Variants in DNM3 observed in about 807,000 individuals in gnomAD.
DNM3 encodes the protein dynamin-3.
DNM3 carries 47 observed loss-of-function variants against 101.6 expected under a neutral mutation model. That is an observed-to-expected ratio of 0.46 (90% CI 0.37 to 0.59). The LOEUF (loss-of-function observed/expected upper bound fraction) is 0.59, where lower values mean the gene tolerates loss of function less well. Among genes scored for constraint, DNM3 ranks in the 20% least tolerant of loss-of-function variants. The pLI, the probability that DNM3 is intolerant of heterozygous loss-of-function variation, is 0.00. For synonymous variants in DNM3, 385 were observed against 387.9 expected (o/e 0.99, Z 0.09); for missense variants, 849 against 1,085.7 (o/e 0.78, Z 3.06).
intron 2 of DNM3, among the ~76,000 whole-genome samples, chr1:171,974,055 G>C (rs1246680154): frequency 6.6e-6 from 1 of 152,070 alleles, no homozygotes; most frequent in Non-Finnish European, 1.5e-5. Context: ...CTCTTGTGAG[G>C]TTAACAAGAA....
At chr1:172,260,400 T>A (rs2062593339) in intron 15 of DNM3, among the ~76,000 whole-genome samples, 1 of 152,172 alleles carries the variant, frequency 6.6e-6, no homozygotes, top group South Asian at 2.1e-4. Flanking sequence ...TATTATTTTA[T>A]TAAATAGGTT....
chr1:172,008,993 CTTAT>C lies in DNM3; in HGVS notation c.589+19850_589+19853del, dbSNP rs547162702. Among the ~76,000 whole-genome samples, 492 of 110,816 alleles carry C rather than the reference CTTAT, an allele frequency of 4.4e-3. 7 individuals carry two copies. The highest frequency in any genetic ancestry group is 0.024 in the African/African-American group (467 of 19,708). The allele number at this position is 110,816 out of a possible 152,430, so 72.7% of individuals were successfully genotyped here. A position where few individuals can be genotyped will look rare whatever the true frequency, so the allele number is the denominator to read the frequency against. ...ATTAAACCTATAACATATGCATATA[CTTAT>C]TTATATATAACATGCATGTACTTAT... On this transcript the variant is annotated intron_variant, in intron 4 of 20. Transcript: ENST00000627582.
chr1:172,139,015 A>T (rs1201558072), intron 14 of DNM3: 2 of 436,944 alleles, frequency 4.6e-6, no homozygotes, highest in Non-Finnish European at 9.2e-6. Flanking sequence ...ACACAATATA[A>T]TTAAACATTA....
chr1:171,864,165 G>A (rs1018832294), intron 1 of DNM3: 1 of 152,166 alleles, frequency 6.6e-6, no homozygotes, highest in Non-Finnish European at 1.5e-5. Flanking sequence ...GTAGCAAAAC[G>A]TGACTGAGAG....
At chr1:171,914,035 C>T (rs538011676) in intron 1 of DNM3, among the ~76,000 whole-genome samples, 1 of 152,300 alleles carries the variant, frequency 6.6e-6, no homozygotes, top group East Asian at 1.9e-4. Flanking sequence ...AGTGATCCTC[C>T]TGCCTTGGCC....
intron 17 of DNM3, among the ~76,000 whole-genome samples, chr1:172,347,856 A>C (rs1232371667): frequency 6.6e-6 from 1 of 152,216 alleles, no homozygotes; most frequent in Non-Finnish European, 1.5e-5. Flanking sequence ...AGTAAATTGT[A>C]GTATATTTAC....
chr1:172,392,449 A>C (rs970252552), intron 20 of DNM3, among the ~76,000 whole-genome samples: 17 of 152,330 alleles, frequency 1.1e-4, no homozygotes, highest in African/African-American at 3.4e-4. Flanking sequence ...TAACAAGATG[A>C]TCTTAAACAG....
intron 19 of DNM3, among the ~76,000 whole-genome samples, chr1:172,388,357 G>A (rs1317168367): frequency 6.6e-6 from 1 of 152,192 alleles, no homozygotes; most frequent in Non-Finnish European, 1.5e-5. Flanking sequence ...GGATGCACAA[G>A]AAACTTCTAT....
intron 1 of DNM3, among the ~76,000 whole-genome samples, chr1:171,917,039 G>A (rs1406340942): frequency 6.6e-6 from 1 of 152,166 alleles, no homozygotes; most frequent in East Asian, 1.9e-4. Context: ...TGGAGCTTAA[G>A]CATAGTACCT....
chr1:172,067,149 C>A (rs1258945384), intron 10 of DNM3, among the ~76,000 whole-genome samples: 1 of 152,122 alleles, frequency 6.6e-6, no homozygotes, highest in Non-Finnish European at 1.5e-5. Context: ...ATAGTTATTT[C>A]TTTTCTTTGC....
chr1:172,280,302 T>C (rs1445262514), intron 15 of DNM3, among the ~76,000 whole-genome samples: 1 of 152,136 alleles, frequency 6.6e-6, no homozygotes, highest in African/African-American at 2.4e-5. Context: ...ACTTATTACT[T>C]TTTGATATTT....
intron 15 of DNM3, among the ~76,000 whole-genome samples, chr1:172,257,154 T>A (rs1284989197): frequency 2.0e-5 from 3 of 152,134 alleles, no homozygotes; most frequent in African/African-American, 7.2e-5. Context: ...ATAGTCATTA[T>A]CTTTTCTTCA....
Position 171,885,507 on chromosome 1 carries a change from A to G in DNM3, c.162-36241A>G, listed in dbSNP as rs116032704. 5.6e-3 allele frequency among the ~76,000 whole-genome samples: 850 copies of G among 152,212 alleles called. 8 individuals carry two copies. The highest frequency in any genetic ancestry group is 0.019 in the African/African-American group (780 of 41,526). ...CAAGGCCTCTGAAAAATTTTTTGAA[A>G]GTTTGAATAACCAGGAATAGAATCA... On this transcript the variant is annotated intron_variant, in intron 1 of 20. Coordinates refer to ENST00000627582, the MANE Select transcript of DNM3 (RefSeq NM_015569.5).
At position 172,180,997 on chromosome 1, in the gene DNM3, T is replaced by A. The variant is rs896324173; in HGVS notation, c.1659+49709T>A. 3.9e-5 allele frequency among the ~76,000 whole-genome samples: 6 copies of A among 152,212 alleles called. No individual in the cohort carries two copies. The East Asian group carries it at 1.2e-3, about 30-fold the overall frequency. ...TTGTCAACTGGCAAGTACGGAGCAC[T>A]TACCAAGTGCCGCCACTCCGCTGGG... is the stretch of plus-strand genomic sequence containing the variant. On this transcript the variant is annotated intron_variant, in intron 14 of 20. Coordinates refer to ENST00000627582, the MANE Select transcript of DNM3 (RefSeq NM_015569.5).
intron 13 of DNM3, among the ~76,000 whole-genome samples, chr1:172,095,668 G>A (rs906363114): frequency 2.6e-5 from 4 of 152,116 alleles, no homozygotes; most frequent in Non-Finnish European, 5.9e-5. Context: ...AGCATCCTAG[G>A]AAGTGATTCA....
chr1:172,066,952 TTGTG>T (rs61202714), intron 10 of DNM3, among the ~76,000 whole-genome samples: 93,600 of 150,096 alleles, frequency 0.62, 29,881 homozygotes, highest in Non-Finnish European at 0.68. Context: ...GTCTCTGTGT[TTGTG>T]TGTGTGTGTG....
chr1:171,845,668 C>G (rs1198331937), intron 1 of DNM3, among the ~76,000 whole-genome samples: 1 of 152,228 alleles, frequency 6.6e-6, no homozygotes, highest in African/African-American at 2.4e-5. Flanking sequence ...TAGGCAGAAG[C>G]AACATTTATT....
intron 17 of DNM3, among the ~76,000 whole-genome samples, chr1:172,354,110 T>TGA (rs1445200263): frequency 7.6e-4 from 40 of 52,586 alleles, no homozygotes; most frequent in African/African-American, 1.9e-3. Context: ...TGTGTGTGTG[T>TGA]GTGAGAGAGA....
chr1:172,319,747 C>G (rs1329535583), intron 16 of DNM3, among the ~76,000 whole-genome samples: 15 of 152,144 alleles, frequency 9.9e-5, no homozygotes, highest in East Asian at 5.8e-4. Flanking sequence ...TGCTGGAGAG[C>G]ATGTGGAGAA....
Sources: gnomAD v4.1 joint callset for allele counts (sites outside exome capture counted in the v4.1 genomes callset) on GRCh38, gnomAD v4.1.1 for gene constraint, MANE v1.5 for transcripts, NCBI Gene and HGNC (gene_info 2026-07-23, HGNC 2026-07-21) for gene names.